The following IPO11 variants were observed in gnomAD, a reference collection of about 807,000 sequenced individuals.
The protein encoded by IPO11 is importin-11.
IPO11 carries 66 observed loss-of-function variants against 143.2 expected under a neutral mutation model. The ratio of observed to expected loss-of-function variants is 0.46; its 90% CI spans 0.38 to 0.57. IPO11 has a LOEUF of 0.57. Among genes scored for constraint, IPO11 ranks in the 20% least tolerant of loss-of-function variants. The pLI, the probability that IPO11 is intolerant of heterozygous loss-of-function variation, is 0.00. For synonymous variants in IPO11, 385 were observed against 377.8 expected, an observed-to-expected ratio of 1.02 and a Z score of -0.22; for missense variants, 1,026 against 1,141.0, an observed-to-expected ratio of 0.90 and a Z score of 1.45.
chr5:62,590,768 AAC>A (rs1167489118), intron 27 of IPO11, among the ~76,000 whole-genome samples: 1 of 152,168 alleles, frequency 6.6e-6, no homozygotes. Flanking sequence ...AAATTTAAAA[AAC>A]ACTAAATTTT....
intron 29 of IPO11, 56 bp from the exon 30 acceptor site, chr5:62,627,098 G>T: frequency 1.3e-6 from 2 of 1,495,316 alleles, no homozygotes; most frequent in South Asian, 2.6e-5. Context: ...TAAATTGCAG[G>T]TAGGAGAGAC....
At chr5:62,479,183 G>A (rs978196615) in intron 9 of IPO11, among the ~76,000 whole-genome samples, 20 of 152,216 alleles carry the variant, frequency 1.3e-4, no homozygotes, top group Middle Eastern at 6.8e-3. Context: ...GAGAATGTGC[G>A]GTGTTTGGTT....
chr5:62,587,852 T>A (rs1744853211), intron 27 of IPO11, among the ~76,000 whole-genome samples: 1 of 152,174 alleles, frequency 6.6e-6, no homozygotes, highest in Non-Finnish European at 1.5e-5. Flanking sequence ...CCCAAGGCCG[T>A]GTAGCTAGTC....
chr5:62,514,484 T>C (rs191782), intron 19 of IPO11, among the ~76,000 whole-genome samples: 121,816 of 150,746 alleles, frequency 0.81, 49,844 homozygotes, highest in African/African-American at 0.94. Flanking sequence ...CGCAGGCACT[T>C]GGCAGGCTGA....
intron 27 of IPO11, chr5:62,580,653 T>G: frequency 6.4e-7 from 1 of 1,551,502 alleles, no homozygotes; most frequent in Non-Finnish European, 8.7e-7. Context: ...CAAATTGTGT[T>G]ACATCTTCAA....
At chr5:62,505,485 G>C (rs768063350) in intron 18 of IPO11, among the ~76,000 whole-genome samples, 3 of 152,040 alleles carry the variant, frequency 2.0e-5, no homozygotes, top group Non-Finnish European at 4.4e-5. Flanking sequence ...ACTTCTTTTG[G>C]TGAGGGAGAT....
At chr5:62,436,466 T>G (rs1580175550) in intron 1 of IPO11, among the ~76,000 whole-genome samples, 1 of 152,348 alleles carries the variant, frequency 6.6e-6, no homozygotes, top group East Asian at 1.9e-4. Flanking sequence ...CTTTCAATTT[T>G]AATCCTTATA....
chr5:62,485,787 C>T (rs894795941), intron 12 of IPO11, among the ~76,000 whole-genome samples: 1 of 150,658 alleles, frequency 6.6e-6, no homozygotes, highest in African/African-American at 2.4e-5. Context: ...GAGGTTGAGG[C>T]TGCCGTGTGC....
At chr5:62,438,700 T>C (rs187377659) in intron 2 of IPO11, among the ~76,000 whole-genome samples, 1 of 150,318 alleles carries the variant, frequency 6.7e-6, no homozygotes, top group East Asian at 2.0e-4. Flanking sequence ...TGCAGTGAGC[T>C]GAGATCGTGC....
At chr5:62,484,763 G>A (rs145040500) in intron 11 of IPO11, among the ~76,000 whole-genome samples, 501 of 151,986 alleles carry the variant, frequency 3.3e-3, no homozygotes, top group Non-Finnish European at 5.6e-3. Context: ...GTACCCTTGT[G>A]TAGTTACACG....
At chr5:62,490,583 A>G (rs1746571456) in intron 15 of IPO11, among the ~76,000 whole-genome samples, 2 of 152,198 alleles carry the variant, frequency 1.3e-5, no homozygotes, top group African/African-American at 4.8e-5. Context: ...CATAATGCAT[A>G]CTGCAAGTCT....
At chr5:62,603,463 A>T (rs1037694080) in intron 29 of IPO11, among the ~76,000 whole-genome samples, 7 of 152,092 alleles carry the variant, frequency 4.6e-5, no homozygotes, top group Admixed American at 2.0e-4. Context: ...AATAATTTGT[A>T]TTCATTCATT....
At chr5:62,488,421 T>C (rs945623599) in intron 13 of IPO11, among the ~76,000 whole-genome samples, 1 of 151,952 alleles carries the variant, frequency 6.6e-6, no homozygotes, top group African/African-American at 2.4e-5. Context: ...TCAGTAACTA[T>C]TGTTACTTGA....
chr5:62,421,953 T>A (rs962289229), intron 1 of IPO11, among the ~76,000 whole-genome samples: 2 of 152,228 alleles, frequency 1.3e-5, no homozygotes, highest in African/African-American at 4.8e-5. Context: ...TGTCTATATT[T>A]GGAGAGAGGA....
intron 2 of IPO11, among the ~76,000 whole-genome samples, chr5:62,439,943 T>G (rs1185651949): frequency 6.6e-6 from 1 of 152,214 alleles, no homozygotes; most frequent in Admixed American, 6.5e-5. Flanking sequence ...CTACTTGGAT[T>G]GACATCTGCA....
intron 4 of IPO11, 128 bp from the exon 5 acceptor site, chr5:62,451,602 G>A: frequency 2.6e-6 from 2 of 772,974 alleles, no homozygotes; most frequent in Non-Finnish European, 4.2e-6. Context: ...GAGAACCACT[G>A]TTTAAGCAGT....
chr5:62,537,571 A>T (rs1240675255), intron 24 of IPO11, among the ~76,000 whole-genome samples: 1 of 151,898 alleles, frequency 6.6e-6, no homozygotes, highest in Admixed American at 6.6e-5. Context: ...CTATCTTGAG[A>T]CCTCACTTTG....
At position 62,526,343 on chromosome 5, in the gene IPO11, A is replaced by G. The variant is rs937876680; in HGVS notation, c.2012+86A>G. 6 of 890,724 alleles carry G rather than the reference A, an allele frequency of 6.7e-6. No individual in the cohort carries two copies. The African/African-American group carries it at 1.0e-4, about 15-fold the overall frequency. 55.2% of individuals were successfully genotyped at this position (890,724 alleles called of 1,614,324 possible). A position where few individuals can be genotyped will look rare whatever the true frequency, so the allele number is the denominator to read the frequency against. On this transcript the variant is annotated intron_variant, in intron 21 of 29. Coordinates refer to ENST00000325324, the MANE Select transcript of IPO11 (RefSeq NM_016338.5). ...GCCAGTAAAGTTAAGGTCATGTAATAGGGCTTTAAAAACAGAAAATGTAAA... is the reference window on the plus strand; with the variant it reads ...GCCAGTAAAGTTAAGGTCATGTAATGGGGCTTTAAAAACAGAAAATGTAAA...
intron 20 of IPO11, among the ~76,000 whole-genome samples, chr5:62,525,144 C>T (rs569827994): frequency 1.3e-5 from 2 of 152,102 alleles, no homozygotes; most frequent in Non-Finnish European, 2.9e-5. Context: ...CACCTTTGCC[C>T]TCATCCCAAC....
Sources: gnomAD v4.1 joint callset for allele counts (sites outside exome capture counted in the v4.1 genomes callset) on GRCh38, gnomAD v4.1.1 for gene constraint, MANE v1.5 for transcripts, NCBI Gene and HGNC (gene_info 2026-07-23, HGNC 2026-07-21) for gene names.